Variants in STK32B observed in about 807,000 individuals in gnomAD.
The protein encoded by STK32B is serine/threonine-protein kinase 32B.
Under a neutral mutation model 52.6 loss-of-function variants are expected in STK32B, and 43 were observed. The ratio of observed to expected loss-of-function variants is 0.82; its 90% confidence interval spans 0.64 to 1.05. STK32B has a LOEUF of 1.05. Among genes scored for constraint, STK32B ranks in the 50% least tolerant of loss-of-function variants. The pLI is 0.00. For missense variants in STK32B, 621 were observed against 534.6 expected, an observed-to-expected ratio of 1.16 and a Z score of -1.59; for synonymous variants, 238 against 204.3, an observed-to-expected ratio of 1.17 and a Z score of -1.41.
intron 3 of STK32B, among the ~76,000 whole-genome samples, chr4:5,263,353 A>G (rs569289930): frequency 9.8e-4 from 149 of 152,104 alleles, no homozygotes; most frequent in Middle Eastern, 6.8e-3. Context: ...ATAAGATCAC[A>G]TTCTGCCCAG....
At chr4:5,222,843 A>G (rs1320431036) in intron 3 of STK32B, among the ~76,000 whole-genome samples, 1 of 152,248 alleles carries the variant, frequency 6.6e-6, no homozygotes, top group East Asian at 1.9e-4. Context: ...AACAAAATCA[A>G]GGGAATGGTC....
At chr4:5,181,898 C>T (rs946057246) in intron 3 of STK32B, among the ~76,000 whole-genome samples, 12 of 152,192 alleles carry the variant, frequency 7.9e-5, no homozygotes, top group African/African-American at 2.2e-4. Flanking sequence ...CTTCCTTTGA[C>T]GAAAGATTTC....
chr4:5,164,483 G>A (rs34875476), intron 2 of STK32B, among the ~76,000 whole-genome samples: 34,363 of 152,126 alleles, frequency 0.23, 4,211 homozygotes, highest in East Asian at 0.29. Context: ...CCAAATAAGA[G>A]CACTGTCTTA....
At chr4:5,143,128 T>A (rs986110466) in intron 2 of STK32B, among the ~76,000 whole-genome samples, 2 of 151,868 alleles carry the variant, frequency 1.3e-5, no homozygotes, top group Non-Finnish European at 2.9e-5. Flanking sequence ...TCTGTCTGTC[T>A]GTCTATCTGT....
At chr4:5,087,098 A>C (rs1560144226) in intron 1 of STK32B, among the ~76,000 whole-genome samples, 1 of 152,204 alleles carries the variant, frequency 6.6e-6, no homozygotes, top group Non-Finnish European at 1.5e-5. Context: ...TAAAAATTGT[A>C]TAAAGTTATT....
intron 3 of STK32B, among the ~76,000 whole-genome samples, chr4:5,304,759 C>G (rs561135472): frequency 8.4e-6 from 1 of 118,454 alleles, no homozygotes; most frequent in Non-Finnish European, 1.6e-5. Context: ...TTGTCTTGTT[C>G]CAGTTATCGG....
At chr4:5,116,078 A>G (rs576134713) in intron 1 of STK32B, among the ~76,000 whole-genome samples, 4 of 152,220 alleles carry the variant, frequency 2.6e-5, no homozygotes, top group African/African-American at 9.6e-5. Context: ...AGAGAGGGTG[A>G]GTGGACCCAA....
chr4:5,347,952 A>G (rs2108980868), intron 4 of STK32B, among the ~76,000 whole-genome samples: 1 of 152,302 alleles, frequency 6.6e-6, no homozygotes, highest in Non-Finnish European at 1.5e-5. Flanking sequence ...AGTTCTTTAT[A>G]GCAGCATGAT....
rs1414061805 is a variant in STK32B, at chr4:5,378,823, A to T, written c.435-19384A>T. Among the ~76,000 whole-genome samples, 1 of 152,036 alleles carries T rather than the reference A, an allele frequency of 6.6e-6. No individual in the cohort carries two copies. Among genetic ancestry groups the T allele is most frequent in the Admixed American group, 6.6e-5 (1 of 15,260 alleles). ...GGTTTCTTGGAGCCCCATCCCGAAG[A>T]CTCGGGCTTCACTGCTGACTGGGGC... is the stretch of plus-strand genomic sequence containing the variant. On this transcript the variant is annotated intron_variant, in intron 4 of 11. Coordinates refer to ENST00000282908, the MANE Select transcript of STK32B (RefSeq NM_018401.3). The surrounding 1 kb of genome is among the most constrained non-coding windows in gnomAD (Gnocchi z 4.4).
intron 3 of STK32B, among the ~76,000 whole-genome samples, chr4:5,224,513 T>TCC (rs1209038485): frequency 6.6e-6 from 1 of 152,150 alleles, no homozygotes; most frequent in Non-Finnish European, 1.5e-5. Context: ...GTCCCCAAGC[T>TCC]CCCCCTTGGG....
intron 2 of STK32B, among the ~76,000 whole-genome samples, chr4:5,159,557 A>C (rs1013948904): frequency 1.2e-5 from 1 of 80,022 alleles, no homozygotes; most frequent in African/African-American, 9.4e-5. Context: ...ATATGAATAT[A>C]TATGAATGAA....
rs545394044 is a variant in STK32B, at chr4:5,267,138, G to A, written c.261-64082G>A. Among the ~76,000 whole-genome samples, 176 of 151,736 alleles carry A rather than the reference G, an allele frequency of 1.2e-3. 2 individuals carry two copies. The highest frequency in any genetic ancestry group is 4.0e-3 in the African/African-American group (167 of 41,374). On this transcript the variant is annotated intron_variant, in intron 3 of 11. Coordinates refer to ENST00000282908, the MANE Select transcript of STK32B (RefSeq NM_018401.3). ...TAAAAATGTGCATTGTTTGCAAAGAGAAAACCACATTTGCAGTCATCTTGT... is the reference window on the plus strand; with the variant it reads ...TAAAAATGTGCATTGTTTGCAAAGAAAAAACCACATTTGCAGTCATCTTGT...
At chr4:5,454,463 C>T (rs1224356133) in intron 7 of STK32B, among the ~76,000 whole-genome samples, 1 of 151,938 alleles carries the variant, frequency 6.6e-6, no homozygotes, top group Non-Finnish European at 1.5e-5. Flanking sequence ...CCATAAAGTC[C>T]CCCTTTTATA....
intron 11 of STK32B, among the ~76,000 whole-genome samples, chr4:5,496,234 G>A (rs1266582793): frequency 6.6e-6 from 1 of 152,250 alleles, no homozygotes; most frequent in Non-Finnish European, 1.5e-5. Flanking sequence ...GCTCCATCCA[G>A]TTCCAGCTTC....
At chr4:5,088,217 G>A (rs1270849988) in intron 1 of STK32B, among the ~76,000 whole-genome samples, 1 of 152,038 alleles carries the variant, frequency 6.6e-6, no homozygotes, top group Non-Finnish European at 1.5e-5. Context: ...AGTTTGAGGT[G>A]AATAAAAATG....
chr4:5,429,182 C>A (rs1476357744), intron 6 of STK32B, among the ~76,000 whole-genome samples: 8 of 152,152 alleles, frequency 5.3e-5, no homozygotes, highest in Non-Finnish European at 7.4e-5. Context: ...TATTTCTAAC[C>A]TATCTCTTTG....
intron 3 of STK32B, among the ~76,000 whole-genome samples, chr4:5,177,191 G>T (rs56322216): frequency 9.3e-4 from 141 of 152,096 alleles, no homozygotes; most frequent in African/African-American, 3.1e-3. Flanking sequence ...ACAGTTCTGC[G>T]TGGCTGGGGA....
chr4:5,348,320 T>C (rs1733601618), intron 4 of STK32B, among the ~76,000 whole-genome samples: 1 of 152,136 alleles, frequency 6.6e-6, no homozygotes, highest in South Asian at 2.1e-4. Flanking sequence ...GTCCCACACC[T>C]TCTTCCCAGT....
chr4:5,411,504 A>G (rs960215989), intron 5 of STK32B, among the ~76,000 whole-genome samples: 2 of 152,260 alleles, frequency 1.3e-5, no homozygotes, highest in Non-Finnish European at 1.5e-5. Context: ...AGCTACTTGC[A>G]TAGCCTTTCC....
Sources: gnomAD v4.1 joint callset for allele counts (sites outside exome capture counted in the v4.1 genomes callset) on GRCh38, gnomAD v4.1.1 for gene constraint, Gnocchi (gnomAD v3.1) non-coding constraint, MANE v1.5 for transcripts, NCBI Gene and HGNC (gene_info 2026-07-23, HGNC 2026-07-21) for gene names.